Variants in NRXN3 observed in about 807,000 individuals in gnomAD.
The protein encoded by NRXN3 is neurexin III.
NRXN3 carries 32 observed loss-of-function variants against 137.6 expected under a neutral mutation model. The ratio of observed to expected loss-of-function variants is 0.23; its 90% CI spans 0.18 to 0.31. NRXN3 has a LOEUF of 0.31. Ranked by LOEUF, NRXN3 falls within the 10% of genes least tolerant of loss-of-function variation. NRXN3 has a pLI of 1.00. For synonymous variants in NRXN3, 798 were observed against 784.5 expected (o/e 1.02, Z -0.29); for missense variants, 1,574 against 2,062.5 (o/e 0.76, Z 4.59).
chr14:78,255,342 G>T (rs944293743), intron 2 of NRXN3, among the ~76,000 whole-genome samples: 4 of 152,214 alleles, frequency 2.6e-5, no homozygotes, highest in Non-Finnish European at 4.4e-5. Context: ...ACACGCATGT[G>T]CTGGGAAGTG....
intron 10 of NRXN3, among the ~76,000 whole-genome samples, chr14:78,901,448 A>T (rs1176002068): frequency 2.0e-5 from 3 of 151,992 alleles, no homozygotes; most frequent in Non-Finnish European, 4.4e-5. Context: ...CCACCATGAC[A>T]TCAGACATCT....
rs559461730 is a variant in NRXN3, at chr14:79,316,772, C to T, written c.3263-150449C>T. Among the ~76,000 whole-genome samples the T allele has an allele frequency of 6.7e-5, 10 of 149,168 alleles. No homozygotes were observed. In the South Asian group the frequency reaches 1.7e-3, roughly 25 times the overall value. On this transcript the variant is annotated intron_variant, in intron 15 of 20. Transcript: ENST00000335750. ...TCTCTCTCTCTCTCTCTATTGAATT[C>T]TGGGGGTGTAGTAGTCCATTGTTTA...
At chr14:78,476,497 A>C (rs1334703617) in intron 4 of NRXN3, among the ~76,000 whole-genome samples, 1 of 152,146 alleles carries the variant, frequency 6.6e-6, no homozygotes, top group Admixed American at 6.5e-5. Flanking sequence ...TTTATAAACC[A>C]TGAGGGGCTG....
chr14:78,396,690 A>G (rs965394471), intron 4 of NRXN3, among the ~76,000 whole-genome samples: 2 of 152,146 alleles, frequency 1.3e-5, no homozygotes, highest in African/African-American at 2.4e-5. Context: ...GAAATATGCT[A>G]TCATTCAAAT....
intron 15 of NRXN3, among the ~76,000 whole-genome samples, chr14:79,425,593 T>C (rs2095644026): frequency 6.6e-6 from 1 of 152,222 alleles, no homozygotes; most frequent in Non-Finnish European, 1.5e-5. Context: ...GCAATTATTA[T>C]CCTCATTTTT....
At chr14:78,450,231 G>GA (rs1297927084) in intron 4 of NRXN3, among the ~76,000 whole-genome samples, 1 of 152,208 alleles carries the variant, frequency 6.6e-6, no homozygotes, top group Non-Finnish European at 1.5e-5. Flanking sequence ...AGCAGATTGA[G>GA]AAAAGTGTTT....
intron 1 of NRXN3, among the ~76,000 whole-genome samples, chr14:78,219,062 C>T (rs1295879790): frequency 2.6e-5 from 4 of 152,082 alleles, no homozygotes; most frequent in Non-Finnish European, 5.9e-5. Flanking sequence ...GGATTAGGGC[C>T]CACCCTAAGG....
intron 10 of NRXN3, among the ~76,000 whole-genome samples, chr14:78,878,401 C>T (rs2099118942): frequency 6.6e-6 from 1 of 152,088 alleles, no homozygotes; most frequent in Non-Finnish European, 1.5e-5. Context: ...ATTGAAAAGT[C>T]ATAAGCAATT....
chr14:78,709,865 T>C (rs1023954456), intron 7 of NRXN3: 40 of 565,318 alleles, frequency 7.1e-5, no homozygotes, highest in Admixed American at 4.2e-4. Flanking sequence ...TGTCACTCAC[T>C]GCGCAATTGT....
rs117501552 is a variant in NRXN3 at position 78,757,173 on chromosome 14, C to T, written c.2044+42034C>T. ...CTTTAATCCTGGCACTTTGGGAGGC[C>T]GAGGGGGGCAGACTGCCTGAGCTCA... On this transcript the variant is annotated intron_variant, in intron 8 of 20. Coordinates refer to ENST00000335750, the MANE Select transcript of NRXN3 (RefSeq NM_001330195.2). 9.7e-4 allele frequency among the ~76,000 whole-genome samples: 148 copies of T among 151,956 alleles called. 1 individual carries two copies. The East Asian group carries it at 0.025, about 26-fold the overall frequency.
intron 10 of NRXN3, among the ~76,000 whole-genome samples, chr14:78,857,081 A>G (rs1388822363): frequency 1.3e-5 from 2 of 152,148 alleles, no homozygotes; most frequent in Non-Finnish European, 1.5e-5. Flanking sequence ...ATGTTATGCA[A>G]TGAAAATGTT....
rs148243662 is a variant in NRXN3 at position 79,611,097 on chromosome 14, G to T, written c.3445-52681G>T. On this transcript the variant is annotated intron_variant, in intron 16 of 20. Coordinates refer to ENST00000335750, the MANE Select transcript of NRXN3 (RefSeq NM_001330195.2). ...ACTTTTGGAAAGTCAAATTCAGGAT[G>T]CAGTTTCAACTAGTAGTAACTATAT... 2.8e-3 allele frequency among the ~76,000 whole-genome samples: 419 copies of T among 152,238 alleles called. 2 individuals are homozygous for T. The highest frequency in any genetic ancestry group is 9.6e-3 in the African/African-American group (397 of 41,536).
chr14:79,597,925 T>TA (rs1354484766), intron 16 of NRXN3, among the ~76,000 whole-genome samples: 17 of 152,308 alleles, frequency 1.1e-4, no homozygotes, highest in African/African-American at 3.6e-4. Context: ...AGACAAATGC[T>TA]AAAATGTACT....
At chr14:78,614,550 TAA>T (rs530159214) in intron 4 of NRXN3, among the ~76,000 whole-genome samples, 11 of 142,998 alleles carry the variant, frequency 7.7e-5, no homozygotes, top group Admixed American at 7.0e-5. Context: ...ATTGTAGAAT[TAA>T]AAAAAAAAAA....
At chr14:78,730,870 G>T (rs1193340985) in intron 8 of NRXN3, among the ~76,000 whole-genome samples, 1 of 152,166 alleles carries the variant, frequency 6.6e-6, no homozygotes, top group Non-Finnish European at 1.5e-5. Context: ...TCTAACATTG[G>T]GTTTGCCCCT....
intron 4 of NRXN3, among the ~76,000 whole-genome samples, chr14:78,432,010 T>C (rs2093898861): frequency 6.6e-6 from 1 of 152,070 alleles, no homozygotes; most frequent in South Asian, 2.1e-4. Flanking sequence ...TCAGTACTGG[T>C]GCCATTATGG....
intron 16 of NRXN3, among the ~76,000 whole-genome samples, chr14:79,631,917 A>G (rs922431437): frequency 3.3e-5 from 5 of 152,196 alleles, no homozygotes; most frequent in South Asian, 2.1e-4. Context: ...AAATGCACCA[A>G]TCAGCTCTCT....
intron 6 of NRXN3, among the ~76,000 whole-genome samples, chr14:78,692,594 T>C (rs2098182164): frequency 1.3e-5 from 2 of 152,198 alleles, no homozygotes; most frequent in Middle Eastern, 3.2e-3. Flanking sequence ...GGGCCAACCA[T>C]ACAGCCTCAT....
chr14:78,983,866 A>AG (rs978405719), intron 14 of NRXN3, among the ~76,000 whole-genome samples: 1 of 146,126 alleles, frequency 6.8e-6, no homozygotes, highest in African/African-American at 2.5e-5. Context: ...AAAAAAAAAA[A>AG]AAAAAAGAAA....
Sources: gnomAD v4.1 joint callset for allele counts (sites outside exome capture counted in the v4.1 genomes callset) on GRCh38, gnomAD v4.1.1 for gene constraint, MANE v1.5 for transcripts, NCBI Gene and HGNC (gene_info 2026-07-23, HGNC 2026-07-21) for gene names.